The following PID1 variants were observed in gnomAD, a reference collection of about 807,000 sequenced individuals.
The protein encoded by PID1 is phosphotyrosine interaction domain containing 1.
Under a neutral mutation model 19.1 loss-of-function variants are expected in PID1, and 10 were observed. The observed-to-expected ratio is 0.52, with a 90% CI of 0.32 to 0.89. PID1 has a LOEUF of 0.89. Ranked by LOEUF, PID1 falls within the 40% of genes least tolerant of loss-of-function variation. The pLI is 0.03. For synonymous variants in PID1, 130 were observed against 116.0 expected, an observed-to-expected ratio of 1.12 and a Z score of -0.78; for missense variants, 248 against 285.3, an observed-to-expected ratio of 0.87 and a Z score of 0.94.
chr2:229,183,824 C>T (rs1038324804), intron 1 of PID1, among the ~76,000 whole-genome samples: 1 of 151,330 alleles, frequency 6.6e-6, no homozygotes, highest in African/African-American at 2.4e-5. Context: ...CACTGCAAAG[C>T]CAATTCCTTA....
intron 1 of PID1, among the ~76,000 whole-genome samples, chr2:229,206,045 C>T (rs942765561): frequency 2.0e-5 from 3 of 152,052 alleles, no homozygotes; most frequent in Admixed American, 6.6e-5. Context: ...GTCTCATTAT[C>T]TGGCTGATGC....
intron 2 of PID1, among the ~76,000 whole-genome samples, chr2:229,045,284 T>C (rs545794148): frequency 6.6e-6 from 1 of 152,230 alleles, no homozygotes; most frequent in African/African-American, 2.4e-5. Context: ...GGAGAGTTTA[T>C]TTTTCTTTTG....
intron 1 of PID1, among the ~76,000 whole-genome samples, chr2:229,196,007 A>G (rs780233872): frequency 1.3e-5 from 2 of 152,128 alleles, no homozygotes; most frequent in Non-Finnish European, 2.9e-5. Flanking sequence ...AAAGTGTGAT[A>G]TAGGAGAACT....
At chr2:229,060,603 C>A (rs752094820) in intron 2 of PID1, among the ~76,000 whole-genome samples, 2 of 152,020 alleles carry the variant, frequency 1.3e-5, no homozygotes, top group Non-Finnish European at 2.9e-5. Flanking sequence ...CTCTTTCGCA[C>A]CTTGATTCCA....
At chr2:229,179,281 T>C (rs1444365046) in intron 1 of PID1, among the ~76,000 whole-genome samples, 1 of 152,136 alleles carries the variant, frequency 6.6e-6, no homozygotes, top group African/African-American at 2.4e-5. Flanking sequence ...GGGACCTCCA[T>C]GGCTCCCATC....
At chr2:229,154,936 T>C (rs1309472538) in intron 2 of PID1, among the ~76,000 whole-genome samples, 1 of 152,314 alleles carries the variant, frequency 6.6e-6, no homozygotes, top group African/African-American at 2.4e-5. Flanking sequence ...CTTACCAAAA[T>C]TATACATTTC....
At chr2:229,068,637 G>A (rs943496997) in intron 2 of PID1, among the ~76,000 whole-genome samples, 1 of 152,170 alleles carries the variant, frequency 6.6e-6, no homozygotes, top group Admixed American at 6.5e-5. Flanking sequence ...TCCTTGAGGT[G>A]AAAAGCGAGT....
At chr2:229,258,520 T>C (rs1000954604) in intron 1 of PID1, among the ~76,000 whole-genome samples, 1 of 152,210 alleles carries the variant, frequency 6.6e-6, no homozygotes, top group Admixed American at 6.5e-5. Flanking sequence ...TCTAGCACTA[T>C]GCCTGGCAAA....
chr2:229,032,721 A>C (rs904613884), intron 2 of PID1, among the ~76,000 whole-genome samples: 1 of 152,220 alleles, frequency 6.6e-6, no homozygotes, highest in Non-Finnish European at 1.5e-5. Context: ...ACTTATTACC[A>C]ATGAATCATT....
intron 1 of PID1, among the ~76,000 whole-genome samples, chr2:229,196,665 G>C (rs1412355402): frequency 6.6e-6 from 1 of 151,988 alleles, no homozygotes; most frequent in Admixed American, 6.6e-5. Context: ...GGGAATGCAG[G>C]GCAGACTTTG....
chr2:229,227,892 G>A, intron 1 of PID1: 1 of 445,594 alleles, frequency 2.2e-6, no homozygotes. Flanking sequence ...AAGTAATCTA[G>A]AGATGATGGA....
At chr2:229,208,425 C>A (rs909669508) in intron 1 of PID1, among the ~76,000 whole-genome samples, 4 of 152,200 alleles carry the variant, frequency 2.6e-5, no homozygotes, top group African/African-American at 9.6e-5. Flanking sequence ...ACATATATCC[C>A]TGCCCTTTGG....
chr2:229,033,995 C>G (rs1054324637), intron 2 of PID1, among the ~76,000 whole-genome samples: 1 of 152,178 alleles, frequency 6.6e-6, no homozygotes, highest in East Asian at 1.9e-4. Context: ...CACAGAGGCA[C>G]AGAATCCACT....
Position 229,106,856 on chromosome 2 carries a change from G to A in PID1, c.177+48962C>T, listed in dbSNP as rs922425326. ...GGAACTAGGATGCAGTGGATTGCAT[G>A]ATGTCCACCAAAAAGATATGTCTAA... On this transcript the variant is annotated intron_variant, in intron 2 of 2. Transcript: ENST00000392055. Among the ~76,000 whole-genome samples, 3 of 152,192 alleles carry A rather than the reference G, an allele frequency of 2.0e-5. 1 individual carries two copies. The highest frequency in any genetic ancestry group is 2.0e-4 in the Admixed American group (3 of 15,278).
At chr2:229,196,833 G>A (rs1159060544) in intron 1 of PID1, among the ~76,000 whole-genome samples, 6 of 152,098 alleles carry the variant, frequency 3.9e-5, no homozygotes, top group Middle Eastern at 3.4e-3. Context: ...TAGAAAGAAC[G>A]TATGTTACAT....
chr2:229,158,469 C>T (rs761636362), intron 1 of PID1, among the ~76,000 whole-genome samples: 2 of 152,194 alleles, frequency 1.3e-5, no homozygotes, highest in Middle Eastern at 3.4e-3. Flanking sequence ...TATAAAAGCA[C>T]CATAGGAGCA....
At chr2:229,049,244 T>C (rs1693942973) in intron 2 of PID1, among the ~76,000 whole-genome samples, 1 of 152,218 alleles carries the variant, frequency 6.6e-6, no homozygotes, top group Non-Finnish European at 1.5e-5. Context: ...TATCCTGTTA[T>C]TTTTTGATTG....
At chr2:229,214,323 G>A (rs1422426740) in intron 1 of PID1, among the ~76,000 whole-genome samples, 1 of 152,104 alleles carries the variant, frequency 6.6e-6, no homozygotes, top group Non-Finnish European at 1.5e-5. Context: ...CGAGAGCCTG[G>A]AGCAGAGGAT....
intron 1 of PID1, among the ~76,000 whole-genome samples, chr2:229,250,871 T>C (rs1016867025): frequency 6.6e-6 from 1 of 152,188 alleles, no homozygotes; most frequent in East Asian, 1.9e-4. Flanking sequence ...ATTTAACTGA[T>C]TGAAACCTTC....
Sources: allele counts gnomAD v4.1 joint callset (sites outside exome capture counted in the v4.1 genomes callset), GRCh38; gene constraint gnomAD v4.1.1; transcripts MANE v1.5; gene names NCBI Gene and HGNC (gene_info 2026-07-23, HGNC 2026-07-21).